Variants in DNAH2 observed in about 807,000 individuals in gnomAD.
DNAH2 encodes the protein dynein axonemal heavy chain 2, also known as axonemal beta dynein heavy chain 2.
A neutral mutation model predicts 523.5 loss-of-function variants in DNAH2; 323 were observed. The observed-to-expected ratio is 0.62, with a 90% CI of 0.56 to 0.68. The LOEUF (loss-of-function observed/expected upper bound fraction) is 0.68, where lower values mean the gene tolerates loss of function less well. Ranked by LOEUF, DNAH2 falls within the 30% of genes least tolerant of loss-of-function variation. The pLI is 0.00. For synonymous variants in DNAH2, 2,093 were observed against 2,177.4 expected (o/e 0.96, Z 1.08); for missense variants, 4,907 against 5,701.5 (o/e 0.86, Z 4.49).
rs57847771 is a variant in DNAH2 at position 7,826,621 on chromosome 17, C to T, written c.11853+1894C>T. On this transcript the variant is annotated intron_variant, in intron 77 of 85. Transcript: ENST00000572933. ...GTGGCGCCATCTCGGCTCACTGAAA[C>T]ATCCGCCTCCCAGATTCAAGCGATT... Among the ~76,000 whole-genome samples, 5 of 137,158 alleles carry T rather than the reference C, an allele frequency of 3.6e-5. No individual in the cohort carries two copies. In the East Asian group the frequency reaches 1.0e-3, roughly 28 times the overall value. 90.0% of individuals were successfully genotyped at this position (137,158 alleles called of 152,430 possible).
chr17:7,804,345 T>A lies in DNAH2; in HGVS notation c.9062T>A (p.Val3021Glu). The change falls in exon 59 of 86, where the codon GTG becomes GAG. Residue 3021 changes from valine to glutamate, a missense_variant. Val to Glu is a moderately radical substitution (Grantham distance 121). Transcript: ENST00000572933. ...AAGATCGACGAAACTAGGGAAAAGG[T>A]GCAAGTGATGTCGTTGGAGCTGGAG... ...LFKIDETREK[V>E]QVMSLELEDA... The A allele has an allele frequency of 6.2e-7, 1 of 1,614,038 alleles. No individual in the cohort carries two copies. Among genetic ancestry groups the A allele is most frequent in the Non-Finnish European group, 8.5e-7 (1 of 1,180,004 alleles).
intron 8 of DNAH2, chr17:7,739,092 C>T: frequency 1.5e-6 from 1 of 682,332 alleles, no homozygotes; most frequent in Non-Finnish European, 2.7e-6. Context: ...GGAACCAGGG[C>T]AAACGGGGCA....
chr17:7,798,094 G>A lies in DNAH2; in HGVS notation c.8231-63G>A. ...TCAGGGGCCCCAATCCCTAGCCTAG[G>A]GCCTGGAGGTCCCCTGAGTTTGCTC... is the stretch of plus-strand genomic sequence containing the variant. On this transcript the variant is annotated intron_variant, in intron 53 of 85. Transcript: ENST00000572933. This position sits in a 1 kb window ranked among gnomAD's most constrained non-coding sequence, Gnocchi z 5.5. 6.6e-7 allele frequency: 1 copy of A among 1,521,298 alleles called. No individual in the cohort carries two copies. Among genetic ancestry groups the A allele is most frequent in the South Asian group, 1.3e-5 (1 of 77,012 alleles). The allele number at this position is 1,521,298 out of a possible 1,614,324, so 94.2% of individuals were successfully genotyped here. A position where few individuals can be genotyped will look rare whatever the true frequency, so the allele number is the denominator to read the frequency against.
chr17:7,770,304 G>C lies in DNAH2; in HGVS notation c.3994G>C (p.Glu1332Gln). The C allele has an allele frequency of 4.3e-6, 7 of 1,613,882 alleles. No homozygotes were observed. The highest frequency in any genetic ancestry group is 5.9e-6 in the Non-Finnish European group (7 of 1,179,920). Residue 1332 changes from glutamate to glutamine, a missense_variant, in exon 25 of 86, where the codon GAA becomes CAA. By Grantham distance (29) the Glu-to-Gln change is conservative. Transcript: ENST00000572933. ...EIQREFDQES[E>Q]SFTLEQIVEL... ...CCAGCGGGAGTTTGATCAGGAATCT[G>C]AAAGCTTCACCTTGGAGCAGATTGT... is the stretch of plus-strand genomic sequence containing the variant.
In DNAH2 at chr17:7,768,195, G is replaced by T. The variant is rs771470080; in HGVS notation, c.3869G>T (p.Arg1290Leu). 9 of 1,613,994 alleles carry T rather than the reference G, an allele frequency of 5.6e-6. No homozygotes were observed. In the South Asian group the frequency reaches 8.8e-5, roughly 16 times the overall value. Residue 1290 changes from arginine to leucine, a missense_variant, in exon 24 of 86, where the codon CGC (arginine) becomes CTC (leucine). Arg to Leu is a moderately radical substitution (Grantham distance 102). Around this residue, in one of 3 missense-constraint regions of DNAH2, gnomAD observed 2,806 missense variants for 3,190.8 expected, o/e 0.88. Coordinates refer to ENST00000572933, the MANE Select transcript of DNAH2 (RefSeq NM_020877.5). Reference sequence around the variant, plus strand: ...AACTGGGAAATTATTGAAACCACTCGCTCAAAAATAGAGCAGTTCAAGAGG... The same window carrying T: ...AACTGGGAAATTATTGAAACCACTCTCTCAAAAATAGAGCAGTTCAAGAGG... ...DRNWEIIETT[R>L]SKIEQFKRTM...
At chr17:7,818,577 A>G (rs986297315) in intron 69 of DNAH2, 66 bp from the exon 70 acceptor site, 29 of 1,605,066 alleles carry the variant, frequency 1.8e-5, no homozygotes, top group Non-Finnish European at 2.4e-5. Context: ...TTCAAGGTGG[A>G]AAGAGATGAG....
rs267605091 is a variant in DNAH2, at chr17:7,823,618, G to A, written c.11319G>A (p.Ala3773=). The A allele has an allele frequency of 6.2e-6, 10 of 1,613,862 alleles. No individual in the cohort carries two copies. The African/African-American group carries it at 1.1e-4, about 17-fold the overall frequency. The change falls in exon 74 of 86, where the codon GCG becomes GCA. Residue 3773 remains alanine, a synonymous_variant. Coordinates refer to ENST00000572933, the MANE Select transcript of DNAH2 (RefSeq NM_020877.5). The part of the protein sequence containing the change: ...LWYTNAAPEK[A]MLPGEWENAC... ...ATACCAATGCTGCCCCGGAGAAGGCGATGCTGCCAGGTACCAGGCGTCTGT... is the reference window on the plus strand; with the variant it reads ...ATACCAATGCTGCCCCGGAGAAGGCAATGCTGCCAGGTACCAGGCGTCTGT...
Position 7,821,414 on chromosome 17 carries a change from T to G in DNAH2, c.11142+45T>G, listed in dbSNP as rs761862911. On this transcript the variant is annotated intron_variant, in intron 73 of 85. Coordinates refer to ENST00000572933, the MANE Select transcript of DNAH2 (RefSeq NM_020877.5). This position sits in a 1 kb window ranked among gnomAD's most constrained non-coding sequence, Gnocchi z 5.0. Reference sequence around the variant, plus strand: ...CATCCCAGGATGGGATGGTCAAGGTTGGGGATGAGGGCAAGTGTGACAAGG... The same window carrying G: ...CATCCCAGGATGGGATGGTCAAGGTGGGGGATGAGGGCAAGTGTGACAAGG... 6.3e-7 allele frequency: 1 copy of G among 1,591,052 alleles called. No homozygotes were observed. Among genetic ancestry groups the G allele is most frequent in the Admixed American group, 1.7e-5 (1 of 57,624 alleles).
chr17:7,724,145 C>G (rs2074718708), intron 3 of DNAH2, among the ~76,000 whole-genome samples: 1 of 152,048 alleles, frequency 6.6e-6, no homozygotes, highest in Admixed American at 6.6e-5. Context: ...TTCCAAGTTG[C>G]ATCAAAGCCT....
At chr17:7,727,479 C>T (rs377663278) in intron 4 of DNAH2, among the ~76,000 whole-genome samples, 187 bp downstream of exon 4, 10 of 152,246 alleles carry the variant, frequency 6.6e-5, no homozygotes, top group African/African-American at 9.6e-5. Flanking sequence ...ATGGGCTGGG[C>T]GCGGTGGCTC....
At chr17:7,824,015 C>T (rs763349683) in intron 75 of DNAH2, 33 bp downstream of exon 75, 1 of 1,603,474 alleles carries the variant, frequency 6.2e-7, no homozygotes, top group Non-Finnish European at 8.5e-7. Flanking sequence ...CCCCACGGCC[C>T]ATGGGTCTTT....
chr17:7,773,623 T>C (rs1417487532), intron 28 of DNAH2, among the ~76,000 whole-genome samples: 2 of 152,216 alleles, frequency 1.3e-5, no homozygotes, highest in African/African-American at 4.8e-5. Context: ...AAGCACTTAT[T>C]ACGCACTGAG....
intron 34 of DNAH2, 37 bp downstream of exon 34, chr17:7,778,217 G>A (rs368389260): frequency 7.4e-6 from 12 of 1,613,966 alleles, no homozygotes; most frequent in African/African-American, 1.3e-5. Context: ...GCTGGGGTGG[G>A]GGGCAGCAGA....
At chr17:7,826,037 G>C (rs2078008664) in intron 77 of DNAH2, among the ~76,000 whole-genome samples, 2 of 152,168 alleles carry the variant, frequency 1.3e-5, no homozygotes, top group African/African-American at 4.8e-5. Context: ...GTTCAGGTAT[G>C]ATAACCCTGG....
At chr17:7,782,000 C>T (rs566523147) in intron 39 of DNAH2, among the ~76,000 whole-genome samples, 1 of 152,180 alleles carries the variant, frequency 6.6e-6, no homozygotes, top group African/African-American at 2.4e-5. Context: ...ATAATAACAT[C>T]CTTTTTAATG....
intron 68 of DNAH2, 48 bp from the exon 69 acceptor site, chr17:7,818,264 G>A: frequency 6.2e-7 from 1 of 1,609,210 alleles, no homozygotes; most frequent in East Asian, 2.2e-5. Context: ...TGGGTTAGCT[G>A]GTACCCATCA....
At position 7,832,778 on chromosome 17, in the gene DNAH2, G is replaced by T; in HGVS notation, c.12903+23G>T. On this transcript the variant is annotated intron_variant, in intron 83 of 85. Transcript: ENST00000572933. The surrounding 1 kb of genome is among the most constrained non-coding windows in gnomAD (Gnocchi z 4.3). ...AACGTGAGCAATGTGCAAAGTGTGAGGGGGGGATGTATGCTGGGGCCATGT... is the reference window on the plus strand; with the variant it reads ...AACGTGAGCAATGTGCAAAGTGTGATGGGGGGATGTATGCTGGGGCCATGT... The T allele has an allele frequency of 1.2e-6, 2 of 1,613,712 alleles. No individual in the cohort carries two copies. Among genetic ancestry groups the T allele is most frequent in the Non-Finnish European group, 8.5e-7 (1 of 1,179,850 alleles).
chr17:7,833,034 T>A, intron 84 of DNAH2, 37 bp from the exon 85 acceptor site: 1 of 1,612,952 alleles, frequency 6.2e-7, no homozygotes, highest in Non-Finnish European at 8.5e-7. Flanking sequence ...GCAATTGAAG[T>A]CTAGCTTCTC....
intron 44 of DNAH2, among the ~76,000 whole-genome samples, chr17:7,789,932 A>G (rs2076850824): frequency 6.6e-6 from 1 of 152,164 alleles, no homozygotes; most frequent in Admixed American, 6.5e-5. Flanking sequence ...TGGACGCACC[A>G]AGTGTATCAC....
Sources: allele counts gnomAD v4.1 joint callset (sites outside exome capture counted in the v4.1 genomes callset), GRCh38; gene constraint gnomAD v4.1.1; regional missense constraint gnomAD v4.1.1; non-coding constraint Gnocchi (gnomAD v3.1); transcripts MANE v1.5; gene names NCBI Gene and HGNC (gene_info 2026-07-23, HGNC 2026-07-21).